The following TRIO variants were observed in gnomAD, a reference collection of about 807,000 sequenced individuals.
TRIO encodes the protein triple functional domain protein.
In TRIO, 58 loss-of-function variants were observed where a neutral mutation model predicts 351.9. The ratio of observed to expected loss-of-function variants is 0.16; its 90% CI spans 0.13 to 0.21. The LOEUF (loss-of-function observed/expected upper bound fraction) is 0.21, where lower values mean the gene tolerates loss of function less well. Among genes scored for constraint, TRIO ranks in the 10% least tolerant of loss-of-function variants. TRIO has a pLI of 1.00. For missense variants in TRIO, 3,201 were observed against 4,027.8 expected (o/e 0.79, Z 5.56); for synonymous variants, 1,758 against 1,595.7 (o/e 1.10, Z -2.42).
intron 8 of TRIO, among the ~76,000 whole-genome samples, chr5:14,315,978 A>C (rs1266800587): frequency 6.6e-6 from 1 of 152,226 alleles, no homozygotes; most frequent in Non-Finnish European, 1.5e-5. Flanking sequence ...ATTGCTCTCC[A>C]GCTATGTCAG....
chr5:14,284,592 G>A (rs1446868076), intron 3 of TRIO, among the ~76,000 whole-genome samples: 3 of 152,074 alleles, frequency 2.0e-5, no homozygotes, highest in African/African-American at 4.8e-5. Context: ...TTGTTCTCCC[G>A]CTTATTCCTG....
chr5:14,369,753 A>G (rs1376462560), intron 18 of TRIO, among the ~76,000 whole-genome samples: 1 of 152,230 alleles, frequency 6.6e-6, no homozygotes, highest in Admixed American at 6.5e-5. Flanking sequence ...AATAGCTAAA[A>G]ATCTGTATGA....
intron 1 of TRIO, among the ~76,000 whole-genome samples, chr5:14,168,633 G>T (rs1377118442): frequency 6.6e-6 from 1 of 152,178 alleles, no homozygotes; most frequent in Non-Finnish European, 1.5e-5. Flanking sequence ...TGTTTCTTCT[G>T]ATTCTGAGTT....
chr5:14,205,515 AC>A (rs1270361237), intron 1 of TRIO, among the ~76,000 whole-genome samples: 1 of 152,022 alleles, frequency 6.6e-6, no homozygotes, highest in African/African-American at 2.4e-5. Flanking sequence ...GAGGATAAAA[AC>A]CCCTGGAAAA....
At chr5:14,243,298 C>T (rs554922346) in intron 1 of TRIO, among the ~76,000 whole-genome samples, 2 of 151,820 alleles carry the variant, frequency 1.3e-5, no homozygotes, top group Admixed American at 6.6e-5. Flanking sequence ...ATGTTTTGCT[C>T]GCAACTTAGA....
chr5:14,388,545 TC>T, intron 23 of TRIO, 67 bp from the exon 24 acceptor site: 1 of 1,439,986 alleles, frequency 6.9e-7, no homozygotes, highest in South Asian at 1.2e-5. Flanking sequence ...ATTTCATAAA[TC>T]CATAAAAGTA....
intron 11 of TRIO, among the ~76,000 whole-genome samples, chr5:14,337,498 A>G (rs1020726472): frequency 2.0e-5 from 3 of 152,202 alleles, no homozygotes; most frequent in East Asian, 1.9e-4. Context: ...TAACTTATTC[A>G]GATGCAGCTC....
intron 1 of TRIO, among the ~76,000 whole-genome samples, chr5:14,179,964 G>A (rs1789651069): frequency 6.6e-6 from 1 of 151,834 alleles, no homozygotes; most frequent in East Asian, 1.9e-4. Context: ...AGCTGGGCGT[G>A]GTGGCACGCG....
chr5:14,461,241 G>T lies in TRIO; in HGVS notation c.5426G>T (p.Ser1809Ile). The T allele has an allele frequency of 6.3e-7, 1 of 1,589,052 alleles. No homozygotes were observed. Among genetic ancestry groups the T allele is most frequent in the East Asian group, 2.3e-5 (1 of 43,860 alleles). Reference protein sequence around the residue: ...KHKKSREVRKSADAGSQKDSD... With the variant: ...KHKKSREVRKIADAGSQKDSD... Reference sequence around the variant, plus strand: ...AAGAAGAGCCGCGAGGTCCGCAAGAGCGCCGACGCCGGCTCGCAGAAGGAC... The same window carrying T: ...AAGAAGAGCCGCGAGGTCCGCAAGATCGCCGACGCCGGCTCGCAGAAGGAC... Residue 1809 changes from serine to isoleucine, a missense_variant, in exon 35 of 57, where the codon AGC (serine) becomes ATC (isoleucine). By Grantham distance (142) the Ser-to-Ile change is moderately radical. Transcript: ENST00000344204.
At chr5:14,207,463 TA>T (rs1791596798) in intron 1 of TRIO, among the ~76,000 whole-genome samples, 3 of 23,106 alleles carry the variant, frequency 1.3e-4, no homozygotes, top group African/African-American at 4.3e-4. Flanking sequence ...ACTGTCTCTC[TA>T]CACACACACA....
chr5:14,333,557 G>A (rs1243337750), intron 10 of TRIO, among the ~76,000 whole-genome samples: 1 of 152,142 alleles, frequency 6.6e-6, no homozygotes, highest in African/African-American at 2.4e-5. Flanking sequence ...TTTAAACCAA[G>A]CAAATATAAT....
intron 1 of TRIO, among the ~76,000 whole-genome samples, chr5:14,214,593 T>G (rs1057047081): frequency 6.6e-6 from 1 of 152,362 alleles, no homozygotes; most frequent in East Asian, 1.9e-4. Context: ...GCATCTACCG[T>G]AGCTCACCAC....
rs182531316 is a variant in TRIO, at chr5:14,304,835, C to T, written c.1500+243C>T. ...GATAGAGCGCTTATATGCTCAGCTG[C>T]TACAGTCAAGGAAAACCTAGTCTTT... On this transcript the variant is annotated intron_variant, in intron 8 of 56. Transcript: ENST00000344204. 2.3e-4 allele frequency among the ~76,000 whole-genome samples: 35 copies of T among 152,264 alleles called. 1 individual carries two copies. The highest frequency in any genetic ancestry group is 1.4e-3 in the Admixed American group (21 of 15,306).
intron 1 of TRIO, among the ~76,000 whole-genome samples, chr5:14,179,674 C>G (rs1404217197): frequency 2.0e-5 from 3 of 152,096 alleles, no homozygotes; most frequent in Admixed American, 6.6e-5. Flanking sequence ...ATCTCGAACT[C>G]CTGGGCTCAA....
intron 5 of TRIO, among the ~76,000 whole-genome samples, 164 bp from the exon 6 acceptor site, chr5:14,292,848 G>T (rs1346338537): frequency 6.6e-6 from 1 of 152,208 alleles, no homozygotes; most frequent in Non-Finnish European, 1.5e-5. Flanking sequence ...GTTCAGAACT[G>T]CTGACTTGTT....
chr5:14,436,297 A>G (rs1751583336), intron 34 of TRIO, among the ~76,000 whole-genome samples: 1 of 152,210 alleles, frequency 6.6e-6, no homozygotes, highest in Non-Finnish European at 1.5e-5. Flanking sequence ...TAAAACCGTC[A>G]GGTCTTATGA....
intron 27 of TRIO, among the ~76,000 whole-genome samples, chr5:14,393,120 C>T (rs1450841388): frequency 6.6e-6 from 1 of 150,982 alleles, no homozygotes; most frequent in Non-Finnish European, 1.5e-5. Context: ...TGGAAACCAT[C>T]ATTCTCAGCA....
chr5:14,442,298 G>C (rs912008338), intron 34 of TRIO, among the ~76,000 whole-genome samples: 1 of 152,186 alleles, frequency 6.6e-6, no homozygotes, highest in African/African-American at 2.4e-5. Flanking sequence ...AAGGGGATTT[G>C]CTGAGACTTA....
At chr5:14,195,463 C>T (rs1484802692) in intron 1 of TRIO, among the ~76,000 whole-genome samples, 1 of 152,126 alleles carries the variant, frequency 6.6e-6, no homozygotes, top group African/African-American at 2.4e-5. Flanking sequence ...ATGGTGTCCG[C>T]CAACTCCATT....
Sources: gnomAD v4.1 joint callset for allele counts (sites outside exome capture counted in the v4.1 genomes callset) on GRCh38, gnomAD v4.1.1 for gene constraint, MANE v1.5 for transcripts, NCBI Gene and HGNC (gene_info 2026-07-23, HGNC 2026-07-21) for gene names.